Variants in RCAN1 observed in about 807,000 individuals in gnomAD.
The protein encoded by RCAN1 is calcipressin-1.
RCAN1 carries 11 observed loss-of-function variants against 22.9 expected under a neutral mutation model. The ratio of observed to expected loss-of-function variants is 0.48; its 90% CI spans 0.30 to 0.79. The LOEUF is 0.79. Among genes scored for constraint, RCAN1 ranks in the 30% least tolerant of loss-of-function variants. The probability of loss-of-function intolerance (pLI) is 0.06; values close to 1 mark genes in which losing one functional copy is unlikely to be tolerated. For synonymous variants in RCAN1, 136 were observed against 142.3 expected, an observed-to-expected ratio of 0.96 and a Z score of 0.32; for missense variants, 291 against 337.8, an observed-to-expected ratio of 0.86 and a Z score of 1.09.
intron 1 of RCAN1, among the ~76,000 whole-genome samples, chr21:34,598,507 C>T (rs59874346): frequency 0.021 from 3,159 of 152,244 alleles, 92 homozygotes; most frequent in East Asian, 0.093. Flanking sequence ...AACGAGAAAA[C>T]CAGAAATCTA....
chr21:34,521,838 C>T, intron 2 of RCAN1, 180 bp from the exon 3 acceptor site: 1 of 585,932 alleles, frequency 1.7e-6, no homozygotes, highest in East Asian at 2.9e-5. Flanking sequence ...CATATGAACT[C>T]TGGTTGTGGC....
At chr21:34,604,067 T>C (rs1431902698) in intron 1 of RCAN1, among the ~76,000 whole-genome samples, 3 of 152,198 alleles carry the variant, frequency 2.0e-5, no homozygotes, top group African/African-American at 7.2e-5. Flanking sequence ...TTTACTCAAG[T>C]GATCTGGCCT....
intron 1 of RCAN1, among the ~76,000 whole-genome samples, chr21:34,595,208 A>G (rs1362312656): frequency 1.3e-5 from 2 of 152,236 alleles, no homozygotes; most frequent in Non-Finnish European, 2.9e-5. Context: ...ACACACCTGG[A>G]AACCACTTGC....
rs367874698 is a variant in RCAN1 at position 34,577,852 on chromosome 21, A to G, written c.252+36908T>C. Among the ~76,000 whole-genome samples, 160 of 152,294 alleles carry G rather than the reference A, an allele frequency of 1.1e-3. 3 individuals carry two copies. The South Asian group carries it at 0.032, about 31-fold the overall frequency. Reference sequence around the variant, plus strand: ...AGGAGTGAGAGGGAAGGTGCCAACAATATCTCCCCACTTTCTAGCACAAAC... The same window carrying G: ...AGGAGTGAGAGGGAAGGTGCCAACAGTATCTCCCCACTTTCTAGCACAAAC... On this transcript the variant is annotated intron_variant, in intron 1 of 3. Coordinates refer to ENST00000313806, the MANE Select transcript of RCAN1 (RefSeq NM_004414.7).
At chr21:34,562,598 C>A (rs779263616) in intron 1 of RCAN1, among the ~76,000 whole-genome samples, 7 of 152,204 alleles carry the variant, frequency 4.6e-5, no homozygotes, top group Non-Finnish European at 8.8e-5. Context: ...ACTTTCACAT[C>A]AACTCAGGCA....
At chr21:34,588,937 AATACTT>A (rs1987885337) in intron 1 of RCAN1, among the ~76,000 whole-genome samples, 1 of 152,244 alleles carries the variant, frequency 6.6e-6, no homozygotes. Context: ...TGAAAAAACA[AATACTT>A]AGAAACCTAA....
At chr21:34,610,283 C>T (rs903432175) in intron 1 of RCAN1, among the ~76,000 whole-genome samples, 3 of 152,220 alleles carry the variant, frequency 2.0e-5, no homozygotes, top group African/African-American at 7.2e-5. Flanking sequence ...TGATGTCCTG[C>T]GACCAGAAAA....
chr21:34,580,977 T>G (rs997916749), intron 1 of RCAN1, among the ~76,000 whole-genome samples: 3 of 151,906 alleles, frequency 2.0e-5, no homozygotes, highest in African/African-American at 7.3e-5. Context: ...AGAAGAGAGT[T>G]TTAGGCCAAA....
At chr21:34,549,032 G>A (rs1030694352) in intron 1 of RCAN1, among the ~76,000 whole-genome samples, 4 of 152,214 alleles carry the variant, frequency 2.6e-5, no homozygotes, top group South Asian at 2.1e-4. Context: ...CTATGAGACC[G>A]TTTGCCAGGT....
intron 1 of RCAN1, among the ~76,000 whole-genome samples, chr21:34,538,085 AC>A (rs1335401517): frequency 6.6e-6 from 1 of 152,208 alleles, no homozygotes; most frequent in African/African-American, 2.4e-5. Flanking sequence ...AAGAATCTGA[AC>A]TGTAATTCAC....
At chr21:34,610,690 G>A (rs561595796) in intron 1 of RCAN1, among the ~76,000 whole-genome samples, 1 of 152,312 alleles carries the variant, frequency 6.6e-6, no homozygotes, top group Admixed American at 6.5e-5. Flanking sequence ...CCAGAGATTG[G>A]AATGGGTTTG....
chr21:34,521,719 A>G, intron 2 of RCAN1, 61 bp from the exon 3 acceptor site: 1 of 1,428,170 alleles, frequency 7.0e-7, no homozygotes, highest in Non-Finnish European at 9.6e-7. Context: ...GTGAGGCAAC[A>G]GCACCTAACG....
intron 1 of RCAN1, among the ~76,000 whole-genome samples, chr21:34,537,663 C>A (rs1024921894): frequency 2.0e-5 from 3 of 152,246 alleles, no homozygotes; most frequent in African/African-American, 7.2e-5. Context: ...TTTGGTAATT[C>A]ATCAAAAACA....
intron 1 of RCAN1, among the ~76,000 whole-genome samples, chr21:34,563,794 T>TATATATAG (rs765741781): frequency 4.1e-5 from 2 of 48,722 alleles, no homozygotes; most frequent in African/African-American, 1.7e-4. Context: ...TATATATATA[T>TATATATAG]AGAGAGAGAG....
chr21:34,600,347 G>A (rs1035124010), intron 1 of RCAN1, among the ~76,000 whole-genome samples: 2 of 152,166 alleles, frequency 1.3e-5, no homozygotes, highest in South Asian at 2.1e-4. Context: ...GGTAAGATAC[G>A]GCAAAGAATG....
intron 1 of RCAN1, among the ~76,000 whole-genome samples, chr21:34,545,917 A>G (rs1986115219): frequency 6.6e-6 from 1 of 152,238 alleles, no homozygotes; most frequent in Non-Finnish European, 1.5e-5. Context: ...TTCTTGTTCA[A>G]CAGAAAAGAA....
intron 1 of RCAN1, among the ~76,000 whole-genome samples, chr21:34,549,940 A>G (rs764099676): frequency 1.3e-5 from 2 of 152,008 alleles, no homozygotes; most frequent in African/African-American, 2.4e-5. Context: ...TCTGAGGCCC[A>G]CCTTGCTCCT....
chr21:34,561,813 C>T (rs1395656910), intron 1 of RCAN1, among the ~76,000 whole-genome samples: 2 of 152,212 alleles, frequency 1.3e-5, no homozygotes, highest in African/African-American at 2.4e-5. Flanking sequence ...ATTGGCCCGA[C>T]GTTCAGGGCC....
At chr21:34,554,808 T>C (rs1261980505) in intron 1 of RCAN1, among the ~76,000 whole-genome samples, 1 of 152,172 alleles carries the variant, frequency 6.6e-6, no homozygotes, top group African/African-American at 2.4e-5. Context: ...ATCACTATCA[T>C]GGTGGAAGGC....
Sources: gnomAD v4.1 joint callset for allele counts (sites outside exome capture counted in the v4.1 genomes callset) on GRCh38, gnomAD v4.1.1 for gene constraint, MANE v1.5 for transcripts, NCBI Gene and HGNC (gene_info 2026-07-23, HGNC 2026-07-21) for gene names.